The following KIAA0232 variants were observed in gnomAD, a reference collection of about 807,000 sequenced individuals.
KIAA0232 encodes the protein uncharacterized protein KIAA0232.
KIAA0232 carries 27 observed loss-of-function variants against 122.0 expected under a neutral mutation model. The ratio of observed to expected loss-of-function variants is 0.22; its 90% confidence interval spans 0.16 to 0.31. KIAA0232 has a LOEUF of 0.31. KIAA0232 is among the 10% of genes least tolerant of loss of function. KIAA0232 has a pLI of 1.00. For synonymous variants in KIAA0232, 613 were observed against 587.6 expected (o/e 1.04, Z -0.63); for missense variants, 1,551 against 1,634.2 (o/e 0.95, Z 0.88).
At chr4:6,844,191 C>T (rs894084840) in intron 4 of KIAA0232, among the ~76,000 whole-genome samples, 3 of 151,974 alleles carry the variant, frequency 2.0e-5, no homozygotes, top group Non-Finnish European at 4.4e-5. Context: ...CCGTCTGCCT[C>T]AGCCTCCCAA....
chr4:6,836,830 A>T (rs1264351468), intron 3 of KIAA0232, among the ~76,000 whole-genome samples: 1 of 151,770 alleles, frequency 6.6e-6, no homozygotes, highest in Non-Finnish European at 1.5e-5. Flanking sequence ...CCCTTAGTGG[A>T]CACAGCACAT....
intron 1 of KIAA0232, among the ~76,000 whole-genome samples, chr4:6,798,775 C>A (rs1372358622): frequency 6.6e-6 from 1 of 152,128 alleles, no homozygotes; most frequent in Non-Finnish European, 1.5e-5. Flanking sequence ...TGGTCTCAAA[C>A]CCCTGGGCTC....
intron 3 of KIAA0232, among the ~76,000 whole-genome samples, chr4:6,835,751 G>A (rs1444632394): frequency 2.0e-5 from 3 of 152,190 alleles, no homozygotes; most frequent in African/African-American, 7.2e-5. Context: ...ATTTTGCTGA[G>A]AATAATGGTT....
intron 1 of KIAA0232, among the ~76,000 whole-genome samples, chr4:6,796,163 G>A (rs1052924370): frequency 5.9e-5 from 9 of 152,166 alleles, no homozygotes; most frequent in African/African-American, 1.9e-4. Flanking sequence ...TGTAATATGT[G>A]GAATTGGTTA....
chr4:6,808,407 T>C (rs1717733012), intron 2 of KIAA0232, among the ~76,000 whole-genome samples: 1 of 150,324 alleles, frequency 6.7e-6, no homozygotes, highest in African/African-American at 2.5e-5. Context: ...AATGTGAGTA[T>C]GAACTTTGTA....
In KIAA0232 at chr4:6,863,280, T is replaced by A; in HGVS notation, c.2898T>A (p.Val966=). 6.2e-7 allele frequency: 1 copy of A among 1,614,206 alleles called. No homozygotes were observed. Among genetic ancestry groups the A allele is most frequent in the East Asian group, 2.2e-5 (1 of 44,878 alleles). Residue 966 remains valine (V), a synonymous_variant, in exon 7 of 10, where the codon GTT becomes GTA. Transcript: ENST00000307659. The part of the protein sequence containing the change: ...GSLLQCAASD[V]VTIAGTDVFM... ...TGTTACAGTGTGCAGCTTCTGATGT[T>A]GTGACGATAGCTGGTACAGATGTCT...
At chr4:6,875,493 T>A (rs935159555) in intron 8 of KIAA0232, among the ~76,000 whole-genome samples, 2 of 152,186 alleles carry the variant, frequency 1.3e-5, no homozygotes, top group Non-Finnish European at 2.9e-5. Context: ...GAGTCTTCCA[T>A]GTGGCCAGTG....
At chr4:6,783,077 G>A (rs1716422351) in intron 1 of KIAA0232, among the ~76,000 whole-genome samples, 2 of 151,914 alleles carry the variant, frequency 1.3e-5, no homozygotes, top group Non-Finnish European at 2.9e-5. Flanking sequence ...CCAGCCTGAG[G>A]GAGACCGGGC....
intron 5 of KIAA0232, 27 bp from the exon 6 acceptor site, chr4:6,858,398 T>G: frequency 1.4e-6 from 2 of 1,398,970 alleles, no homozygotes; most frequent in Non-Finnish European, 2.0e-6. Flanking sequence ...ATAAGACAAA[T>G]CTTTCTTAAT....
intron 3 of KIAA0232, among the ~76,000 whole-genome samples, chr4:6,838,438 C>T (rs1010832812): frequency 5.9e-5 from 9 of 152,174 alleles, no homozygotes; most frequent in Non-Finnish European, 1.3e-4. Context: ...ATCTGCCCAC[C>T]TCTGCCTCCC....
intron 3 of KIAA0232, 116 bp from the exon 4 acceptor site, chr4:6,841,951 C>A: frequency 1.6e-6 from 2 of 1,212,748 alleles, no homozygotes; most frequent in South Asian, 1.4e-5. Context: ...CAAGCCGATC[C>A]TAAAACTCGT....
chr4:6,833,833 T>G (rs972155869), intron 3 of KIAA0232, among the ~76,000 whole-genome samples: 2 of 152,108 alleles, frequency 1.3e-5, no homozygotes, highest in African/African-American at 4.8e-5. Context: ...GTGAAAAAAC[T>G]TGTACTACTG....
intron 6 of KIAA0232, 141 bp from the exon 7 acceptor site, chr4:6,860,760 T>C (rs533923911): frequency 1.3e-6 from 1 of 769,416 alleles, no homozygotes; most frequent in East Asian, 2.6e-5. Flanking sequence ...TATAAATTAT[T>C]GTAAAGTTAA....
chr4:6,792,102 A>G (rs899851879), intron 1 of KIAA0232, among the ~76,000 whole-genome samples: 6 of 152,212 alleles, frequency 3.9e-5, no homozygotes, highest in African/African-American at 1.2e-4. Flanking sequence ...CTGTAAGTCA[A>G]TGAAACCTCT....
chr4:6,860,180 GT>G lies in KIAA0232; in HGVS notation c.519-719del, dbSNP rs113053715. On this transcript the variant is annotated intron_variant, in intron 6 of 9. Coordinates refer to ENST00000307659, the MANE Select transcript of KIAA0232 (RefSeq NM_014743.3). Reference sequence around the variant, plus strand: ...TTCAATGCCAGGCAGTATGCTAGCAGTTACGTAAGAAGCTGCTGTTCCAACT... The same window carrying G: ...TTCAATGCCAGGCAGTATGCTAGCAGTACGTAAGAAGCTGCTGTTCCAACT... 2.4e-3 allele frequency among the ~76,000 whole-genome samples: 370 copies of G among 152,296 alleles called. 4 individuals carry two copies. The highest frequency in any genetic ancestry group is 8.2e-3 in the African/African-American group (341 of 41,564).
rs1722053689 is a variant in KIAA0232 at position 6,881,113 on chromosome 4, CTTATT to C, written c.*151_*155del. The C allele has an allele frequency of 4.9e-6, 3 of 615,542 alleles. No homozygotes were observed. Among genetic ancestry groups the C allele is most frequent in the Non-Finnish European group, 5.0e-6 (2 of 397,828 alleles). The allele number at this position is 615,542 out of a possible 1,614,324, so 38.1% of individuals were successfully genotyped here. On this transcript the variant is annotated 3_prime_UTR_variant, in exon 10 of 10. Transcript: ENST00000307659. ...GGTAATAATTATCTTTCTCTTCTTG[CTTATT>C]TTAGAGTTGAGGACAGCTATCCTGT...
chr4:6,819,105 A>G (rs1718288908), intron 2 of KIAA0232, among the ~76,000 whole-genome samples: 1 of 152,194 alleles, frequency 6.6e-6, no homozygotes, highest in Non-Finnish European at 1.5e-5. Context: ...CTTAAATGTA[A>G]GACCTCAAAC....
At chr4:6,859,084 C>T (rs966046082) in intron 6 of KIAA0232, among the ~76,000 whole-genome samples, 5 of 129,666 alleles carry the variant, frequency 3.9e-5, no homozygotes, top group East Asian at 4.5e-4. Context: ...GACGACAGAG[C>T]GAGACTCTGT....
At position 6,863,979 on chromosome 4, in the gene KIAA0232, T is replaced by A. The variant is rs746807221; in HGVS notation, c.3597T>A (p.Thr1199=). The A allele has an allele frequency of 6.2e-7, 1 of 1,614,108 alleles. No homozygotes were observed. Among genetic ancestry groups the A allele is most frequent in the Non-Finnish European group, 8.5e-7 (1 of 1,179,968 alleles). Residue 1199 remains threonine (T), a synonymous_variant, in exon 7 of 10, where the codon ACT becomes ACA. Coordinates refer to ENST00000307659, the MANE Select transcript of KIAA0232 (RefSeq NM_014743.3). Reference sequence around the variant, plus strand: ...CACTGGATTCCCAGGAGGAATCAACTGGGATTCTTTCAGTAGGAAAGCAAA... The same window carrying A: ...CACTGGATTCCCAGGAGGAATCAACAGGGATTCTTTCAGTAGGAAAGCAAA... ...QTSLDSQEES[T]GILSVGKQNQ...
Sources: gnomAD v4.1 joint callset for allele counts (sites outside exome capture counted in the v4.1 genomes callset) on GRCh38, gnomAD v4.1.1 for gene constraint, MANE v1.5 for transcripts, NCBI Gene and HGNC (gene_info 2026-07-23, HGNC 2026-07-21) for gene names.